SLCO3A1: variants seen among roughly 807,000 people sequenced by gnomAD.
SLCO3A1 encodes PGE1 transporter.
SLCO3A1 carries 27 observed loss-of-function variants against 63.1 expected under a neutral mutation model. The observed-to-expected ratio is 0.43, with a 90% CI of 0.32 to 0.59. The LOEUF (loss-of-function observed/expected upper bound fraction) is 0.59. SLCO3A1 is among the 20% of genes least tolerant of loss of function. The pLI is 0.09. For synonymous variants in SLCO3A1, 473 were observed against 409.9 expected, an observed-to-expected ratio of 1.15 and a Z score of -1.86; for missense variants, 773 against 945.8, an observed-to-expected ratio of 0.82 and a Z score of 2.40.
At chr15:92,058,735 A>AATT (rs2047051237) in intron 2 of SLCO3A1, among the ~76,000 whole-genome samples, 1 of 152,180 alleles carries the variant, frequency 6.6e-6, no homozygotes, top group Non-Finnish European at 1.5e-5. Context: ...CAGTCCTAGA[A>AATT]GCCAGAACTC....
At position 92,057,238 on chromosome 15, in the gene SLCO3A1, G is replaced by A. The variant is rs1026717889; in HGVS notation, c.647-37643G>A. ...TGGAACTCGGGCAAGGCTGCAGAGG[G>A]AAGAGTGGGTCCCATGCCCCTTCCC... On this transcript the variant is annotated intron_variant, in intron 2 of 9. Transcript: ENST00000318445. Among the ~76,000 whole-genome samples, 4 of 152,228 alleles carry A rather than the reference G, an allele frequency of 2.6e-5. No homozygotes were observed. In the East Asian group the frequency reaches 5.8e-4, roughly 22 times the overall value.
chr15:91,991,713 A>T (rs2046127938), intron 2 of SLCO3A1, among the ~76,000 whole-genome samples: 1 of 152,240 alleles, frequency 6.6e-6, no homozygotes. Flanking sequence ...CTGTTTTTGC[A>T]TGTAAGTCTT....
chr15:91,994,505 G>A (rs998983892), intron 2 of SLCO3A1, among the ~76,000 whole-genome samples: 1 of 152,180 alleles, frequency 6.6e-6, no homozygotes, highest in Non-Finnish European at 1.5e-5. Context: ...CAGAGTCCAT[G>A]CCCTCAGCAG....
chr15:92,157,026 T>G (rs1255237317), intron 9 of SLCO3A1: 1 of 152,236 alleles, frequency 6.6e-6, no homozygotes, highest in Non-Finnish European at 1.5e-5. Flanking sequence ...GAGACAGTGT[T>G]CTTAAACTGT....
At chr15:91,917,353 A>T (rs769366150) in intron 2 of SLCO3A1, among the ~76,000 whole-genome samples, 1 of 152,182 alleles carries the variant, frequency 6.6e-6, no homozygotes, top group East Asian at 1.9e-4. Flanking sequence ...AGTTAATTAT[A>T]TTATGGAGTT....
Position 91,968,872 on chromosome 15 carries a change from C to G in SLCO3A1, c.646+52414C>G, listed in dbSNP as rs548476000. Among the ~76,000 whole-genome samples, 18 of 152,276 alleles carry G rather than the reference C, an allele frequency of 1.2e-4. No homozygotes were observed. In the South Asian group the frequency reaches 3.7e-3, roughly 32 times the overall value. Reference sequence around the variant, plus strand: ...ACATTCTGGTTCCTCTGCATGGAGTCTCCTTTCTCTTTCCCCTACCCAGGG... The same window carrying G: ...ACATTCTGGTTCCTCTGCATGGAGTGTCCTTTCTCTTTCCCCTACCCAGGG... On this transcript the variant is annotated intron_variant, in intron 2 of 9. Transcript: ENST00000318445. The surrounding 1 kb of genome is among the most constrained non-coding windows in gnomAD (Gnocchi z 4.2).
In SLCO3A1 at chr15:92,164,862, C is replaced by T. The variant is rs1249250551; in HGVS notation, c.*1727C>T. 2 of 985,274 alleles carry T rather than the reference C, an allele frequency of 2.0e-6. No individual in the cohort carries two copies. Among genetic ancestry groups the T allele is most frequent in the East Asian group, 1.1e-4 (1 of 8,824 alleles). 61.0% of individuals were successfully genotyped at this position (985,274 alleles called of 1,614,324 possible). On this transcript the variant is annotated 3_prime_UTR_variant, in exon 10 of 10. Coordinates refer to ENST00000318445, the MANE Select transcript of SLCO3A1 (RefSeq NM_013272.4). ...AGGGGACAGAGCTTAGGTAAAGGCA[C>T]ACACTCATACACACACAACAAAGGG...
At chr15:91,997,927 A>G (rs2046210868) in intron 2 of SLCO3A1, among the ~76,000 whole-genome samples, 1 of 152,202 alleles carries the variant, frequency 6.6e-6, no homozygotes, top group African/African-American at 2.4e-5. Flanking sequence ...AAACCTAGGA[A>G]ACACCACTCA....
Position 91,968,206 on chromosome 15 carries a change from G to A in SLCO3A1, c.646+51748G>A, listed in dbSNP as rs948983847. On this transcript the variant is annotated intron_variant, in intron 2 of 9. Coordinates refer to ENST00000318445, the MANE Select transcript of SLCO3A1 (RefSeq NM_013272.4). The surrounding 1 kb of genome is among the most constrained non-coding windows in gnomAD (Gnocchi z 4.2). ...AGCGTGTGCCCTGAGTTTCAGTGCC[G>A]GATCAGAGACTGGAAAAGTCTGTAT... Among the ~76,000 whole-genome samples the A allele has an allele frequency of 6.6e-6, 1 of 151,990 alleles. No individual in the cohort carries two copies. The highest frequency in any genetic ancestry group is 2.1e-4 in the South Asian group (1 of 4,828).
chr15:91,982,624 A>T (rs1254827185), intron 2 of SLCO3A1, among the ~76,000 whole-genome samples: 2 of 152,222 alleles, frequency 1.3e-5, no homozygotes, highest in Non-Finnish European at 2.9e-5. Context: ...CCCTCTATAG[A>T]GTTTCTGAGA....
chr15:91,990,199 A>G (rs1014371367), intron 2 of SLCO3A1, among the ~76,000 whole-genome samples: 2 of 152,246 alleles, frequency 1.3e-5, no homozygotes, highest in African/African-American at 2.4e-5. Context: ...GGGCACGGAA[A>G]GGCAGCATTT....
At chr15:91,985,811 AG>A (rs924186549) in intron 2 of SLCO3A1, among the ~76,000 whole-genome samples, 3 of 152,280 alleles carry the variant, frequency 2.0e-5, no homozygotes, top group Non-Finnish European at 2.9e-5. Flanking sequence ...GGTGGCCTGA[AG>A]GGGTGGCCAA....
chr15:92,006,529 A>G (rs552869179), intron 2 of SLCO3A1, among the ~76,000 whole-genome samples: 1 of 152,176 alleles, frequency 6.6e-6, no homozygotes, highest in South Asian at 2.1e-4. Flanking sequence ...CATGCTGGTG[A>G]CTGTTTCCTA....
rs80222922 is a variant in SLCO3A1 at position 92,131,141 on chromosome 15, A to G, written c.1512+2652A>G. Among the ~76,000 whole-genome samples, 4,440 of 152,202 alleles carry G rather than the reference A, an allele frequency of 0.029. 636 individuals carry two copies. The East Asian group carries it at 0.44, about 15-fold the overall frequency. On this transcript the variant is annotated intron_variant, in intron 7 of 9. Transcript: ENST00000318445. Reference sequence around the variant, plus strand: ...TTAGTCACTTGCCCAAGGCCATGCAATAGGAAGTGGGGGATCTGGCTTTTG... The same window carrying G: ...TTAGTCACTTGCCCAAGGCCATGCAGTAGGAAGTGGGGGATCTGGCTTTTG...
chr15:91,979,024 A>G (rs1276168195), intron 2 of SLCO3A1, among the ~76,000 whole-genome samples: 2 of 152,218 alleles, frequency 1.3e-5, no homozygotes, highest in Non-Finnish European at 1.5e-5. Flanking sequence ...CACTTGTACT[A>G]ACTATCATTT....
At chr15:92,147,728 A>T (rs1451748140) in intron 8 of SLCO3A1, among the ~76,000 whole-genome samples, 1 of 152,206 alleles carries the variant, frequency 6.6e-6, no homozygotes, top group African/African-American at 2.4e-5. Context: ...GAGAGAGCCA[A>T]CCGAAATTCT....
intron 2 of SLCO3A1, among the ~76,000 whole-genome samples, chr15:92,083,168 C>T (rs1339654859): frequency 3.9e-5 from 6 of 152,168 alleles, no homozygotes; most frequent in Non-Finnish European, 5.9e-5. Context: ...ACCAGCCCTG[C>T]GAGATATTAT....
intron 2 of SLCO3A1, among the ~76,000 whole-genome samples, chr15:92,077,499 C>T (rs2047292841): frequency 6.6e-6 from 1 of 152,232 alleles, no homozygotes; most frequent in African/African-American, 2.4e-5. Flanking sequence ...TTCAGCCACA[C>T]CAGTGAGGCA....
chr15:91,904,064 G>A (rs1898230085), intron 1 of SLCO3A1, among the ~76,000 whole-genome samples: 1 of 151,856 alleles, frequency 6.6e-6, no homozygotes, highest in Admixed American at 6.6e-5. Context: ...CGGGAGGGAG[G>A]GCCACGCTTT....
Sources: gnomAD v4.1 joint callset for allele counts (sites outside exome capture counted in the v4.1 genomes callset) on GRCh38, gnomAD v4.1.1 for gene constraint, Gnocchi (gnomAD v3.1) non-coding constraint, MANE v1.5 for transcripts, NCBI Gene and HGNC (gene_info 2026-07-23, HGNC 2026-07-21) for gene names.